Variants in CCDC40 observed in about 807,000 individuals in gnomAD.
The protein encoded by CCDC40 is coiled-coil domain-containing protein 40.
A neutral mutation model predicts 124.5 loss-of-function variants in CCDC40; 104 were observed. The observed-to-expected ratio is 0.84, with a 90% CI of 0.71 to 0.98. The LOEUF is 0.98. Among genes scored for constraint, CCDC40 ranks in the 50% least tolerant of loss-of-function variants. The probability of loss-of-function intolerance (pLI) is 0.00; values close to 1 mark genes in which losing one functional copy is unlikely to be tolerated. For missense variants in CCDC40, 1,463 were observed against 1,503.9 expected, an observed-to-expected ratio of 0.97 and a Z score of 0.45; for synonymous variants, 580 against 602.9, an observed-to-expected ratio of 0.96 and a Z score of 0.56.
chr17:80,066,362 T>C lies in CCDC40; in HGVS notation c.1562+756T>C. The stretch of plus-strand genomic sequence containing the variant: ...CAGCAGTCACACAACCAGGAGATGC[T>C]TTTCCTTTTGGGTGCTGTGATTAAA... On this transcript the variant is annotated intron_variant, in intron 10 of 19. Coordinates refer to ENST00000397545, the MANE Select transcript of CCDC40 (RefSeq NM_017950.4). This position sits in a 1 kb window ranked among gnomAD's most constrained non-coding sequence, Gnocchi z 4.4. 1 of 577,210 alleles carries C rather than the reference T, an allele frequency of 1.7e-6. No homozygotes were observed. Among genetic ancestry groups the C allele is most frequent in the South Asian group, 2.2e-5 (1 of 46,004 alleles). The allele number at this position is 577,210 out of a possible 1,614,324, so 35.8% of individuals were successfully genotyped here.
At chr17:80,090,278 A>G (rs1468503683) in intron 17 of CCDC40, 1 of 1,304,492 alleles carries the variant, frequency 7.7e-7, no homozygotes, top group Non-Finnish European at 1.0e-6. Context: ...CACGTGCACG[A>G]ACAACACGGG....
At chr17:80,053,903 CAGTT>C (rs1252081380) in intron 7 of CCDC40, among the ~76,000 whole-genome samples, 1 of 152,184 alleles carries the variant, frequency 6.6e-6, no homozygotes, top group African/African-American at 2.4e-5. Context: ...ACCTACATGT[CAGTT>C]AGACTCTGGA....
chr17:80,084,965 G>A lies in CCDC40; in HGVS notation c.2212G>A (p.Glu738Lys). The change falls in exon 13 of 20, where the codon GAG becomes AAG. Residue 738 changes from glutamate (E) to lysine (K), a missense_variant. By Grantham distance (56) the Glu-to-Lys change is moderately conservative. Coordinates refer to ENST00000397545, the MANE Select transcript of CCDC40 (RefSeq NM_017950.4). ...GLINFLNKQL[E>K]RMVSELGGEE... ...CATCAACTTCCTCAACAAGCAGCTG[G>A]AGCGGATGGTCTCCGAGCTGGGGGT... 1 of 1,613,868 alleles carries A rather than the reference G, an allele frequency of 6.2e-7. No individual in the cohort carries two copies. Among genetic ancestry groups the A allele is most frequent in the African/African-American group, 1.3e-5 (1 of 75,068 alleles).
chr17:80,089,226 T>C (rs546047921), intron 16 of CCDC40, among the ~76,000 whole-genome samples: 1 of 152,182 alleles, frequency 6.6e-6, no homozygotes, highest in Non-Finnish European at 1.5e-5. Flanking sequence ...CGTGGGCCCA[T>C]ATCTCCCTGT....
intron 13 of CCDC40, among the ~76,000 whole-genome samples, chr17:80,085,347 C>T (rs2038559869): frequency 6.6e-6 from 1 of 152,238 alleles, no homozygotes; most frequent in African/African-American, 2.4e-5. Flanking sequence ...TCACCCAGCA[C>T]GAAATATTCT....
Position 80,100,520 on chromosome 17 carries a change from T to G in CCDC40, c.*745T>G, listed in dbSNP as rs147975107. On this transcript the variant is annotated 3_prime_UTR_variant, in exon 20 of 20. Transcript: ENST00000397545. ...TCCAAGTACCAATGACCTTGGGGCT[T>G]CTTTGCAGTTTAAAGGGAAAATGCT... is the stretch of plus-strand genomic sequence containing the variant. The G allele has an allele frequency of 1.2e-4, 18 of 152,284 alleles. No individual in the cohort carries two copies. Among genetic ancestry groups the G allele is most frequent in the African/African-American group, 4.1e-4 (17 of 41,528 alleles). The allele number at this position is 152,284 out of a possible 1,614,324, so 9.4% of individuals were successfully genotyped here. A position where few individuals can be genotyped will look rare whatever the true frequency, so the allele number is the denominator to read the frequency against.
chr17:80,066,401 A>C lies in CCDC40; in HGVS notation c.1562+795A>C. Reference sequence around the variant, plus strand: ...GCTGTGATTAAAGAAACAAAATGAAACCATTTTGTTTTTAAAAGTTTTTAG... The same window carrying C: ...GCTGTGATTAAAGAAACAAAATGAACCCATTTTGTTTTTAAAAGTTTTTAG... On this transcript the variant is annotated intron_variant, in intron 10 of 19. Transcript: ENST00000397545. The surrounding 1 kb of genome is among the most constrained non-coding windows in gnomAD (Gnocchi z 4.4). 3.7e-6 allele frequency: 2 copies of C among 537,218 alleles called. No homozygotes were observed. The highest frequency in any genetic ancestry group is 6.6e-6 in the Non-Finnish European group (2 of 302,778). 33.3% of individuals were successfully genotyped at this position (537,218 alleles called of 1,614,324 possible). A position where few individuals can be genotyped will look rare whatever the true frequency, so the allele number is the denominator to read the frequency against.
Position 80,058,602 on chromosome 17 carries a change from A to T in CCDC40, c.1268A>T (p.Lys423Met), listed in dbSNP as rs1312065239. Residue 423 changes from lysine (K) to methionine (M), a missense_variant, in exon 8 of 20, where the codon AAG (lysine) becomes ATG (methionine). Lys to Met is a moderately conservative substitution (Grantham distance 95). Coordinates refer to ENST00000397545, the MANE Select transcript of CCDC40 (RefSeq NM_017950.4). This position sits in a 1 kb window ranked among gnomAD's most constrained non-coding sequence, Gnocchi z 4.2. ...DDIRVMTQVV[K>M]KAETERIRAE... Reference sequence around the variant, plus strand: ...ATCCGCGTGATGACACAAGTGGTAAAGAAGGCCGAGACGGAGAGGATCCGG... The same window carrying T: ...ATCCGCGTGATGACACAAGTGGTAATGAAGGCCGAGACGGAGAGGATCCGG... The T allele has an allele frequency of 2.5e-6, 4 of 1,614,286 alleles. No individual in the cohort carries two copies. Among genetic ancestry groups the T allele is most frequent in the Non-Finnish European group, 3.4e-6 (4 of 1,180,052 alleles).
Position 80,081,668 on chromosome 17 carries a change from C to A in CCDC40, c.1685C>A (p.Ala562Asp). Reference protein sequence around the residue: ...ASILNRTETEATLLQKLTTQC... With the variant: ...ASILNRTETEDTLLQKLTTQC... ...ATCCTGAACCGGACAGAGACGGAAG[C>A]CACACTGCTGCAGAAGCTCACCACC... The change falls in exon 11 of 20, where the codon GCC becomes GAC. Residue 562 changes from alanine to aspartate, a missense_variant. Physicochemically the swap from Ala to Asp is moderately radical, Grantham distance 126. Transcript: ENST00000397545. 3 of 1,614,198 alleles carry A rather than the reference C, an allele frequency of 1.9e-6. No homozygotes were observed. Among genetic ancestry groups the A allele is most frequent in the Non-Finnish European group, 2.5e-6 (3 of 1,180,046 alleles).
At chr17:80,070,401 C>G (rs977664466) in intron 10 of CCDC40, among the ~76,000 whole-genome samples, 5 of 152,122 alleles carry the variant, frequency 3.3e-5, no homozygotes, top group Non-Finnish European at 7.4e-5. Flanking sequence ...TCAAGACCAG[C>G]CCGGGCAACA....
At chr17:80,080,399 A>G (rs770918807) in intron 10 of CCDC40, among the ~76,000 whole-genome samples, 20 of 152,166 alleles carry the variant, frequency 1.3e-4, no homozygotes, top group Non-Finnish European at 7.3e-5. Context: ...GAATCTGATT[A>G]TTTCATTTGA....
chr17:80,063,150 G>A (rs182474142), intron 9 of CCDC40, among the ~76,000 whole-genome samples: 24 of 151,982 alleles, frequency 1.6e-4, no homozygotes, highest in Admixed American at 9.2e-4. Context: ...AGCCAAGATC[G>A]TGCCATTTTG....
In CCDC40 at chr17:80,047,386, C is replaced by A; in HGVS notation, c.660C>A (p.Phe220Leu). ...TCGAGTCCTCAGACCTGGAGGAGTT[C>A]GTCTCGCAGGAGCCAGGTGCCACCC... Reference protein sequence around the residue: ...SDIESSDLEEFVSQEPVIPPG... With the variant: ...SDIESSDLEELVSQEPVIPPG... Residue 220 changes from phenylalanine (F) to leucine (L), a missense_variant, in exon 4 of 20, where the codon TTC becomes TTA. Phe to Leu is a conservative substitution (Grantham distance 22). Coordinates refer to ENST00000397545, the MANE Select transcript of CCDC40 (RefSeq NM_017950.4). The A allele has an allele frequency of 6.2e-7, 1 of 1,612,902 alleles. No homozygotes were observed. The highest frequency in any genetic ancestry group is 8.5e-7 in the Non-Finnish European group (1 of 1,179,616).
chr17:80,082,992 C>T (rs1263092220), intron 12 of CCDC40, among the ~76,000 whole-genome samples: 1 of 152,070 alleles, frequency 6.6e-6, no homozygotes, highest in African/African-American at 2.4e-5. Context: ...GGAGGCATAT[C>T]TGGGAGGAGG....
chr17:80,061,882 C>T (rs2037908417), intron 9 of CCDC40, among the ~76,000 whole-genome samples: 1 of 152,244 alleles, frequency 6.6e-6, no homozygotes, highest in Non-Finnish European at 1.5e-5. Context: ...TAACCCCGCA[C>T]CCTGTTAGTG....
chr17:80,100,098 G>C lies in CCDC40; in HGVS notation c.*323G>C, dbSNP rs545626758. ...GTTTGCAGCACTCCCAAATCTGCAC[G>C]TGCCTCTCACAACACAACGCTGCCA... On this transcript the variant is annotated 3_prime_UTR_variant, in exon 20 of 20. Coordinates refer to ENST00000397545, the MANE Select transcript of CCDC40 (RefSeq NM_017950.4). The C allele has an allele frequency of 4.8e-4, 189 of 392,010 alleles. 3 individuals carry two copies. The highest frequency in any genetic ancestry group is 4.0e-3 in the South Asian group (183 of 45,582). The allele number at this position is 392,010 out of a possible 1,614,324, so 24.3% of individuals were successfully genotyped here.
In CCDC40 at chr17:80,086,406, C is replaced by T; in HGVS notation, c.2449+190C>T. ...ACTGCCTGCCCAGCTGCCCAGTTCGCAGTCACAGCGGGAGGGTTGAGAAAT... is the reference window on the plus strand; with the variant it reads ...ACTGCCTGCCCAGCTGCCCAGTTCGTAGTCACAGCGGGAGGGTTGAGAAAT... On this transcript the variant is annotated intron_variant, in intron 14 of 19. Coordinates refer to ENST00000397545, the MANE Select transcript of CCDC40 (RefSeq NM_017950.4). This position sits in a 1 kb window ranked among gnomAD's most constrained non-coding sequence, Gnocchi z 5.5. 1 of 603,426 alleles carries T rather than the reference C, an allele frequency of 1.7e-6. No homozygotes were observed. Among genetic ancestry groups the T allele is most frequent in the Non-Finnish European group, 3.0e-6 (1 of 335,758 alleles). The allele number at this position is 603,426 out of a possible 1,614,324, so 37.4% of individuals were successfully genotyped here.
At chr17:80,036,834 C>A in intron 1 of CCDC40, 143 bp downstream of exon 1, 2 of 770,896 alleles carry the variant, frequency 2.6e-6, no homozygotes, top group Admixed American at 3.5e-5. Context: ...CTTCTCTCGC[C>A]ATTTTGCTGG....
At chr17:80,070,160 TGTCCCCAGCAGG>T (rs756819700) in intron 10 of CCDC40, among the ~76,000 whole-genome samples, 22 of 152,320 alleles carry the variant, frequency 1.4e-4, no homozygotes, top group Non-Finnish European at 2.9e-4. Context: ...ATTGCCACAG[TGTCCCCAGCAGG>T]CCTCCTTCTA....
Sources: allele counts gnomAD v4.1 joint callset (sites outside exome capture counted in the v4.1 genomes callset), GRCh38; gene constraint gnomAD v4.1.1; non-coding constraint Gnocchi (gnomAD v3.1); transcripts MANE v1.5; gene names NCBI Gene and HGNC (gene_info 2026-07-23, HGNC 2026-07-21).